CRLS1: variants seen among roughly 807,000 people sequenced by gnomAD.
The protein encoded by CRLS1 is cardiolipin synthase (CMP-forming).
Under a neutral mutation model 37.0 loss-of-function variants are expected in CRLS1, and 24 were observed. The observed-to-expected ratio is 0.65, with a 90% confidence interval of 0.47 to 0.91. The LOEUF (loss-of-function observed/expected upper bound fraction) is 0.91. CRLS1 is among the 40% of genes least tolerant of loss of function. The pLI is 0.00. For missense variants in CRLS1, 373 were observed against 395.8 expected, an observed-to-expected ratio of 0.94 and a Z score of 0.49; for synonymous variants, 135 against 159.7, an observed-to-expected ratio of 0.85 and a Z score of 1.17.
intron 5 of CRLS1, among the ~76,000 whole-genome samples, chr20:6,032,363 CTTT>C (rs199513049): frequency 8.5e-5 from 11 of 130,088 alleles, no homozygotes; most frequent in Admixed American, 7.8e-5. Flanking sequence ...GTAATTGTTC[CTTT>C]TTTTTTTTTT....
intron 6 of CRLS1, among the ~76,000 whole-genome samples, chr20:6,035,803 T>C (rs1484726499): frequency 6.6e-6 from 1 of 151,210 alleles, no homozygotes; most frequent in Non-Finnish European, 1.5e-5. Context: ...TTTTTTTAAT[T>C]AATTAATTTA....
intron 6 of CRLS1, among the ~76,000 whole-genome samples, chr20:6,036,465 G>A (rs1209927386): frequency 2.0e-5 from 3 of 152,134 alleles, no homozygotes; most frequent in African/African-American, 4.8e-5. Context: ...AGGAGAATCC[G>A]GTTAAGGGTA....
At chr20:6,035,045 AAAGTGTGTC>A (rs1980444880) in intron 6 of CRLS1, among the ~76,000 whole-genome samples, 1 of 152,234 alleles carries the variant, frequency 6.6e-6, no homozygotes, top group Non-Finnish European at 1.5e-5. Flanking sequence ...TATCATCTTA[AAAGTGTGTC>A]AAATTCACGC....
intron 5 of CRLS1, among the ~76,000 whole-genome samples, chr20:6,032,322 G>A (rs1439611808): frequency 2.0e-5 from 3 of 151,404 alleles, no homozygotes; most frequent in South Asian, 2.1e-4. Context: ...TGAGGTAATC[G>A]GGCCACTGTT....
rs145552689 is a variant in CRLS1 at position 6,010,766 on chromosome 20, C to T, written c.444+854C>T. Among the ~76,000 whole-genome samples the T allele has an allele frequency of 2.3e-4, 35 of 152,290 alleles. No homozygotes were observed. The East Asian group carries it at 6.4e-3, about 28-fold the overall frequency. On this transcript the variant is annotated intron_variant, in intron 2 of 6. Transcript: ENST00000378863. Reference sequence around the variant, plus strand: ...GAAATGCATTATAAAACTGGCTGGACACAGTGGCTTACACTTGTAATTCCA... The same window carrying T: ...GAAATGCATTATAAAACTGGCTGGATACAGTGGCTTACACTTGTAATTCCA...
At chr20:6,036,817 G>A (rs190674821) in intron 6 of CRLS1, among the ~76,000 whole-genome samples, 69 of 152,270 alleles carry the variant, frequency 4.5e-4, no homozygotes, top group African/African-American at 1.7e-3. Flanking sequence ...AGTAAAAAAT[G>A]ACAGTTGCTA....
chr20:6,026,412 T>C (rs944922312), intron 3 of CRLS1, among the ~76,000 whole-genome samples: 1 of 152,152 alleles, frequency 6.6e-6, no homozygotes, highest in Non-Finnish European at 1.5e-5. Flanking sequence ...AACTTTCATA[T>C]GCACTGGGAA....
At position 6,032,055 on chromosome 20, in the gene CRLS1, G is replaced by A. The variant is rs1371682778; in HGVS notation, c.704G>A (p.Arg235Lys). The A allele has an allele frequency of 6.2e-7, 1 of 1,612,918 alleles. No individual in the cohort carries two copies. Among genetic ancestry groups the A allele is most frequent in the Non-Finnish European group, 8.5e-7 (1 of 1,179,178 alleles). The change falls in exon 5 of 7, where the codon AGG (arginine) becomes AAG (lysine). Residue 235 changes from arginine (R) to lysine (K), a missense_variant. Physicochemically the swap from Arg to Lys is conservative, Grantham distance 26. Coordinates refer to ENST00000378863, the MANE Select transcript of CRLS1 (RefSeq NM_019095.6). ...TTCAATCCTTGCTATGCCACTGCTA[G>A]GTTAAAACCAACATTCATCAGCAAG... ...KYFNPCYATA[R>K]LKPTFISKVN...
intron 2 of CRLS1, among the ~76,000 whole-genome samples, chr20:6,014,178 C>A (rs1251250033): frequency 4.6e-5 from 7 of 152,128 alleles, no homozygotes; most frequent in Admixed American, 3.9e-4. Flanking sequence ...TGAAGACAAC[C>A]ACCCCTTTGA....
intron 3 of CRLS1, among the ~76,000 whole-genome samples, chr20:6,025,976 A>T (rs1979653021): frequency 6.6e-6 from 1 of 152,252 alleles, no homozygotes; most frequent in Non-Finnish European, 1.5e-5. Flanking sequence ...TATTAAAATG[A>T]CAACAGAGGA....
At chr20:6,013,159 A>G (rs1023599520) in intron 2 of CRLS1, among the ~76,000 whole-genome samples, 5 of 152,194 alleles carry the variant, frequency 3.3e-5, no homozygotes, top group Admixed American at 3.3e-4. Flanking sequence ...AGATAGATAT[A>G]AAATCCTATA....
At chr20:6,020,682 G>T (rs1320900743) in intron 3 of CRLS1, among the ~76,000 whole-genome samples, 1 of 151,688 alleles carries the variant, frequency 6.6e-6, no homozygotes, top group African/African-American at 2.4e-5. Context: ...GAGTGCAGTG[G>T]CGCAATCTTG....
intron 6 of CRLS1, 35 bp downstream of exon 6, chr20:6,034,590 C>G: frequency 7.0e-7 from 1 of 1,424,798 alleles, no homozygotes; most frequent in African/African-American, 1.4e-5. Flanking sequence ...CTTAGAATGT[C>G]AACAGAATGA....
intron 5 of CRLS1, among the ~76,000 whole-genome samples, chr20:6,033,592 C>T (rs1215377805): frequency 1.3e-5 from 2 of 152,130 alleles, no homozygotes; most frequent in Non-Finnish European, 2.9e-5. Context: ...CAGTGTATTT[C>T]TTGTTCTATT....
chr20:6,025,113 G>A (rs1979571715), intron 3 of CRLS1, among the ~76,000 whole-genome samples: 1 of 152,206 alleles, frequency 6.6e-6, no homozygotes, highest in Non-Finnish European at 1.5e-5. Flanking sequence ...GATTTTCAAT[G>A]GAGACAAAAC....
At chr20:6,009,672 C>G in intron 1 of CRLS1, 103 bp from the exon 2 acceptor site, 1 of 874,994 alleles carries the variant, frequency 1.1e-6, no homozygotes, top group Non-Finnish European at 1.7e-6. Context: ...TATGTAGCTT[C>G]TGACTGAAGT....
At chr20:6,015,016 G>A (rs750738530) in intron 2 of CRLS1, among the ~76,000 whole-genome samples, 4 of 152,112 alleles carry the variant, frequency 2.6e-5, no homozygotes, top group Non-Finnish European at 5.9e-5. Context: ...CTTTCTTTGA[G>A]TTTTCTTTGG....
chr20:6,009,987 C>T, intron 2 of CRLS1, 75 bp downstream of exon 2: 1 of 1,344,390 alleles, frequency 7.4e-7, no homozygotes, highest in East Asian at 2.6e-5. Context: ...AATAGCATAG[C>T]CTTAGCCTGC....
At chr20:6,016,304 C>T (rs2122949003) in intron 3 of CRLS1, among the ~76,000 whole-genome samples, 1 of 152,306 alleles carries the variant, frequency 6.6e-6, no homozygotes, top group Middle Eastern at 3.4e-3. Flanking sequence ...GCATTTCAGT[C>T]TAGTCTCCCC....
Sources: gnomAD v4.1 joint callset for allele counts (sites outside exome capture counted in the v4.1 genomes callset) on GRCh38, gnomAD v4.1.1 for gene constraint, MANE v1.5 for transcripts, NCBI Gene and HGNC (gene_info 2026-07-23, HGNC 2026-07-21) for gene names.